Variants in DPP10 observed in about 807,000 individuals in gnomAD.
DPP10 encodes the protein dipeptidyl peptidase like 10.
Under a neutral mutation model 120.9 loss-of-function variants are expected in DPP10, and 33 were observed. The observed-to-expected ratio is 0.27, with a 90% confidence interval of 0.21 to 0.37. DPP10 has a LOEUF of 0.37. DPP10 is among the 10% of genes least tolerant of loss of function. DPP10 has a pLI of 1.00. For missense variants in DPP10, 816 were observed against 942.8 expected (o/e 0.87, Z 1.76); for synonymous variants, 337 against 326.1 (o/e 1.03, Z -0.36).
At chr2:114,820,277 C>G (rs1174772280) in intron 1 of DPP10, among the ~76,000 whole-genome samples, 3 of 152,038 alleles carry the variant, frequency 2.0e-5, no homozygotes, top group African/African-American at 7.3e-5. Context: ...CAATGCATGC[C>G]TCATGGGTAA....
intron 1 of DPP10, among the ~76,000 whole-genome samples, chr2:115,018,045 CA>C (rs1702792379): frequency 6.6e-6 from 1 of 150,744 alleles, no homozygotes; most frequent in South Asian, 2.1e-4. Flanking sequence ...TAAAAGTGGG[CA>C]AAGGATATGA....
At chr2:115,700,615 A>C (rs962603190) in intron 7 of DPP10, among the ~76,000 whole-genome samples, 1 of 152,120 alleles carries the variant, frequency 6.6e-6, no homozygotes, top group Non-Finnish European at 1.5e-5. Context: ...AAATAAAATC[A>C]ATTCAAATGG....
chr2:115,424,344 A>T (rs2070259484), intron 3 of DPP10, among the ~76,000 whole-genome samples: 1 of 152,074 alleles, frequency 6.6e-6, no homozygotes, highest in African/African-American at 2.4e-5. Context: ...CTTTTTTATT[A>T]TAAAATAATG....
rs1399232123 is a variant in DPP10, at chr2:115,343,861, C to T, written c.220C>T (p.Leu74Phe). 2 of 1,611,384 alleles carry T rather than the reference C, an allele frequency of 1.2e-6. No individual in the cohort carries two copies. The highest frequency in any genetic ancestry group is 2.2e-5 in the East Asian group (1 of 44,646). ...AGAAACCAGATTGTCTTTGGAAGACCTCTTTAGGAAAGACTTTGTGCTTCA... is the reference window on the plus strand; with the variant it reads ...AGAAACCAGATTGTCTTTGGAAGACTTCTTTAGGAAAGACTTTGTGCTTCA... ...SSETRLSLED[L>F]FRKDFVLHDP... The change falls in exon 3 of 26, where the codon CTC (leucine) becomes TTC (phenylalanine). Residue 74 changes from leucine to phenylalanine, a missense_variant. Physicochemically the swap from Leu to Phe is conservative, Grantham distance 22. Transcript: ENST00000410059.
intron 1 of DPP10, among the ~76,000 whole-genome samples, chr2:114,925,705 G>C (rs1429272159): frequency 6.6e-6 from 1 of 152,180 alleles, no homozygotes; most frequent in Non-Finnish European, 1.5e-5. Flanking sequence ...AAAACCCAGA[G>C]ACTATCTCCC....
intron 1 of DPP10, among the ~76,000 whole-genome samples, chr2:115,291,246 C>G (rs938138421): frequency 2.6e-5 from 4 of 152,106 alleles, no homozygotes; most frequent in South Asian, 2.1e-4. Context: ...TCAAGCAATT[C>G]TCCTGCCTTG....
At chr2:115,720,188 C>A (rs182689784) in intron 7 of DPP10, among the ~76,000 whole-genome samples, 1 of 152,286 alleles carries the variant, frequency 6.6e-6, no homozygotes, top group East Asian at 1.9e-4. Flanking sequence ...ACATCCTTGG[C>A]AACACTTATT....
At chr2:115,772,380 G>T (rs1681581476) in intron 13 of DPP10, among the ~76,000 whole-genome samples, 1 of 151,930 alleles carries the variant, frequency 6.6e-6, no homozygotes, top group Admixed American at 6.6e-5. Context: ...TGGAATAGCT[G>T]GACCAAAAGT....
At chr2:114,603,957 A>G (rs1692582334) in intron 1 of DPP10, among the ~76,000 whole-genome samples, 1 of 152,110 alleles carries the variant, frequency 6.6e-6, no homozygotes, top group Non-Finnish European at 1.5e-5. Flanking sequence ...AGCAGAATTA[A>G]CAAAGGGAAA....
At chr2:115,156,766 G>A (rs573607916) in intron 1 of DPP10, among the ~76,000 whole-genome samples, 1 of 152,276 alleles carries the variant, frequency 6.6e-6, no homozygotes, top group Admixed American at 6.5e-5. Context: ...ATTCATCACA[G>A]GCAGACATTA....
chr2:115,342,460 C>T lies in DPP10; in HGVS notation c.176-1357C>T, dbSNP rs71418557. On this transcript the variant is annotated intron_variant, in intron 2 of 25. Coordinates refer to ENST00000410059, the MANE Select transcript of DPP10 (RefSeq NM_020868.6). ...AGCTCCTGTCCTCAAGTGATCCACC[C>T]GCCTTGGCCTCGCAAAGTGCTGGGA... is the stretch of plus-strand genomic sequence containing the variant. 5.7e-3 allele frequency among the ~76,000 whole-genome samples: 872 copies of T among 152,184 alleles called. 5 individuals are homozygous for T. Among genetic ancestry groups the T allele is most frequent in the Middle Eastern group, 6.8e-3 (2 of 294 alleles).
chr2:115,834,408 A>G (rs1023386827), intron 21 of DPP10, among the ~76,000 whole-genome samples: 1 of 152,166 alleles, frequency 6.6e-6, no homozygotes, highest in Admixed American at 6.5e-5. Context: ...AATATTTTTT[A>G]ATACCTCCCA....
intron 1 of DPP10, among the ~76,000 whole-genome samples, chr2:115,196,469 CTA>C (rs2055275870): frequency 6.6e-6 from 1 of 152,046 alleles, no homozygotes; most frequent in South Asian, 2.1e-4. Flanking sequence ...TACTATAAGA[CTA>C]TATTTATTTT....
intron 1 of DPP10, among the ~76,000 whole-genome samples, chr2:115,225,195 C>G (rs990787208): frequency 1.3e-5 from 2 of 151,836 alleles, no homozygotes; most frequent in Admixed American, 1.3e-4. Context: ...AGGAGGCCAG[C>G]GAGAAAGCTA....
intron 1 of DPP10, among the ~76,000 whole-genome samples, chr2:114,986,569 A>T (rs887112679): frequency 6.6e-6 from 1 of 152,334 alleles, no homozygotes; most frequent in African/African-American, 2.4e-5. Context: ...CTACCAATCA[A>T]ATCTGAAGGT....
chr2:115,644,834 G>A (rs759975920), intron 5 of DPP10, among the ~76,000 whole-genome samples: 9 of 151,984 alleles, frequency 5.9e-5, no homozygotes, highest in Non-Finnish European at 1.2e-4. Context: ...TGGTGTGGGT[G>A]GAGTTAACAG....
intron 21 of DPP10, among the ~76,000 whole-genome samples, chr2:115,827,449 CTCTACAGTGGTATACT>C (rs1688489674): frequency 2.2e-5 from 2 of 90,928 alleles, no homozygotes; most frequent in African/African-American, 4.2e-5. Context: ...TATATATATG[CTCTACAGTGGTATACT>C]TCTGTTTCTC....
At chr2:115,531,021 A>G (rs2148917609) in intron 5 of DPP10, among the ~76,000 whole-genome samples, 1 of 152,276 alleles carries the variant, frequency 6.6e-6, no homozygotes, top group African/African-American at 2.4e-5. Context: ...ATTTTGTGCC[A>G]AAGTCTTTAC....
At chr2:115,564,245 T>G (rs1331520055) in intron 5 of DPP10, among the ~76,000 whole-genome samples, 1 of 151,906 alleles carries the variant, frequency 6.6e-6, no homozygotes, top group Non-Finnish European at 1.5e-5. Context: ...TTTTTTTTTT[T>G]TTTGGTCTTA....
Sources: allele counts gnomAD v4.1 joint callset (sites outside exome capture counted in the v4.1 genomes callset), GRCh38; gene constraint gnomAD v4.1.1; transcripts MANE v1.5; gene names NCBI Gene and HGNC (gene_info 2026-07-23, HGNC 2026-07-21).